ZRANB3: variants seen among roughly 807,000 people sequenced by gnomAD.
ZRANB3 encodes the protein DNA annealing helicase and endonuclease ZRANB3.
A neutral mutation model predicts 133.8 loss-of-function variants in ZRANB3; 125 were observed. The observed-to-expected ratio is 0.93, with a 90% CI of 0.81 to 1.08. The LOEUF (loss-of-function observed/expected upper bound fraction) is 1.08. Ranked by LOEUF, ZRANB3 falls within the 50% of genes least tolerant of loss-of-function variation. The pLI is 0.00. For missense variants in ZRANB3, 1,229 were observed against 1,275.5 expected, an observed-to-expected ratio of 0.96 and a Z score of 0.56; for synonymous variants, 387 against 432.7, an observed-to-expected ratio of 0.89 and a Z score of 1.31.
rs115220791 is a variant in ZRANB3 at position 135,492,809 on chromosome 2, A to G, written c.161+11520T>C. Among the ~76,000 whole-genome samples the G allele has an allele frequency of 4.0e-3, 611 of 152,096 alleles. 4 individuals carry two copies. The highest frequency in any genetic ancestry group is 0.014 in the African/African-American group (583 of 41,516). On this transcript the variant is annotated intron_variant, in intron 2 of 20. Coordinates refer to ENST00000264159, the MANE Select transcript of ZRANB3 (RefSeq NM_032143.4). ...AAGGCCCTAGACCTAAAAGAAATAGATAGTGGAAATAAGAGTCCTAAATAA... is the reference window on the plus strand; with the variant it reads ...AAGGCCCTAGACCTAAAAGAAATAGGTAGTGGAAATAAGAGTCCTAAATAA...
chr2:135,350,497 T>G (rs1010692821), intron 4 of ZRANB3, among the ~76,000 whole-genome samples: 14 of 152,240 alleles, frequency 9.2e-5, no homozygotes, highest in Non-Finnish European at 1.5e-5. Context: ...TGACAATATT[T>G]GCTTCTATGC....
chr2:135,312,955 G>A (rs1187715667), intron 8 of ZRANB3, among the ~76,000 whole-genome samples: 1 of 151,544 alleles, frequency 6.6e-6, no homozygotes. Context: ...AGGAGGTGGA[G>A]GTTGCAGTGA....
chr2:135,406,552 C>T (rs1688042691), intron 2 of ZRANB3, among the ~76,000 whole-genome samples: 1 of 152,138 alleles, frequency 6.6e-6, no homozygotes, highest in Non-Finnish European at 1.5e-5. Flanking sequence ...CCCTGATGAA[C>T]ATCGATGCAA....
At chr2:135,298,706 C>T (rs1170307243) in intron 8 of ZRANB3, among the ~76,000 whole-genome samples, 1 of 152,176 alleles carries the variant, frequency 6.6e-6, no homozygotes, top group Non-Finnish European at 1.5e-5. Context: ...CATACTATCA[C>T]CAGCTCTGCT....
At chr2:135,406,020 A>T (rs1233109595) in intron 2 of ZRANB3, among the ~76,000 whole-genome samples, 1 of 152,224 alleles carries the variant, frequency 6.6e-6, no homozygotes. Flanking sequence ...CAAAAAAATC[A>T]GTGAATACAG....
At chr2:135,303,198 T>G (rs969047974) in intron 8 of ZRANB3, among the ~76,000 whole-genome samples, 2 of 152,180 alleles carry the variant, frequency 1.3e-5, no homozygotes, top group Non-Finnish European at 2.9e-5. Flanking sequence ...ATACTACGTA[T>G]ATATATATTT....
chr2:135,460,728 A>G (rs1690726388), intron 2 of ZRANB3, among the ~76,000 whole-genome samples: 1 of 152,200 alleles, frequency 6.6e-6, no homozygotes. Flanking sequence ...TATTTTCTCA[A>G]AGGCAGTAGG....
chr2:135,508,142 G>GC (rs1038863902), intron 1 of ZRANB3, among the ~76,000 whole-genome samples: 1 of 151,380 alleles, frequency 6.6e-6, no homozygotes, highest in Non-Finnish European at 1.5e-5. Context: ...TTTGTTTTTT[G>GC]TTTTTTTTCT....
At chr2:135,367,133 A>G (rs1221178866) in intron 3 of ZRANB3, among the ~76,000 whole-genome samples, 1 of 152,214 alleles carries the variant, frequency 6.6e-6, no homozygotes, top group African/African-American at 2.4e-5. Context: ...AATATGTGCT[A>G]ATTACCTTGA....
chr2:135,326,903 A>C (rs1354871803), intron 6 of ZRANB3, among the ~76,000 whole-genome samples: 2 of 96,718 alleles, frequency 2.1e-5, no homozygotes, highest in Non-Finnish European at 3.6e-5. Flanking sequence ...CATCTCAAAA[A>C]AAAAAAAAAA....
intron 1 of ZRANB3, chr2:135,511,544 GC>G: frequency 9.8e-7 from 1 of 1,022,356 alleles, no homozygotes; most frequent in Non-Finnish European, 1.6e-6. Context: ...ACCTCATCTT[GC>G]TATCTGAAGA....
intron 8 of ZRANB3, among the ~76,000 whole-genome samples, chr2:135,288,876 G>A (rs1464016196): frequency 9.6e-6 from 1 of 104,136 alleles, no homozygotes; most frequent in Non-Finnish European, 1.8e-5. Flanking sequence ...CATTTATCGT[G>A]TGTGTGTGTG....
At chr2:135,229,593 T>C (rs186525752) in intron 13 of ZRANB3, among the ~76,000 whole-genome samples, 16,413 of 151,940 alleles carry the variant, frequency 0.11, 1,134 homozygotes, top group South Asian at 0.32. Flanking sequence ...GGTCTCGATC[T>C]CCTGACCTCG....
At chr2:135,273,171 G>A (rs1344168081) in intron 9 of ZRANB3, among the ~76,000 whole-genome samples, 1 of 147,768 alleles carries the variant, frequency 6.8e-6, no homozygotes, top group African/African-American at 2.5e-5. Context: ...GGGCGACTGA[G>A]CGAGACTGTC....
chr2:135,348,517 G>T (rs1429491964), intron 5 of ZRANB3, among the ~76,000 whole-genome samples: 1 of 152,056 alleles, frequency 6.6e-6, no homozygotes, highest in African/African-American at 2.4e-5. Context: ...TACTGTTAAT[G>T]TTCTATTTCT....
chr2:135,287,010 A>T (rs1681407182), intron 8 of ZRANB3, among the ~76,000 whole-genome samples: 1 of 152,162 alleles, frequency 6.6e-6, no homozygotes, highest in African/African-American at 2.4e-5. Flanking sequence ...CAATATCTAG[A>T]AGGGGTTGTC....
rs61392880 is a variant in ZRANB3 at position 135,461,665 on chromosome 2, A to T, written c.161+42664T>A. On this transcript the variant is annotated intron_variant, in intron 2 of 20. Transcript: ENST00000264159. Reference sequence around the variant, plus strand: ...TATAGCTCAGTACTATGAATCTAAAATCATGAGCTTATAAGCAGAAAACAC... The same window carrying T: ...TATAGCTCAGTACTATGAATCTAAATTCATGAGCTTATAAGCAGAAAACAC... 3.0e-3 allele frequency among the ~76,000 whole-genome samples: 453 copies of T among 152,316 alleles called. 2 individuals are homozygous for T. The highest frequency in any genetic ancestry group is 0.01 in the African/African-American group (429 of 41,576).
At chr2:135,292,435 A>T (rs185209760) in intron 8 of ZRANB3, among the ~76,000 whole-genome samples, 170 of 151,996 alleles carry the variant, frequency 1.1e-3, no homozygotes, top group African/African-American at 4.0e-3. Flanking sequence ...CCACTTTTTG[A>T]TGGGGTTGTT....
intron 8 of ZRANB3, among the ~76,000 whole-genome samples, chr2:135,309,271 G>T (rs988102124): frequency 6.6e-6 from 1 of 152,022 alleles, no homozygotes; most frequent in East Asian, 1.9e-4. Context: ...GTGAGCCACC[G>T]CACCCAGCCG....
Sources: allele counts gnomAD v4.1 joint callset (sites outside exome capture counted in the v4.1 genomes callset), GRCh38; gene constraint gnomAD v4.1.1; transcripts MANE v1.5; gene names NCBI Gene and HGNC (gene_info 2026-07-23, HGNC 2026-07-21).